XIRP2: variants seen among roughly 807,000 people sequenced by gnomAD.
XIRP2 encodes xin actin-binding repeat-containing protein 2.
In XIRP2, 236 loss-of-function variants were observed where a neutral mutation model predicts 277.0. That is an observed-to-expected ratio of 0.85 (90% CI 0.77 to 0.95). XIRP2 has a LOEUF of 0.95. Ranked by LOEUF, XIRP2 falls within the 40% of genes least tolerant of loss-of-function variation. The probability of loss-of-function intolerance (pLI) is 0.00; values close to 1 mark genes in which losing one functional copy is unlikely to be tolerated. For missense variants in XIRP2, 4,640 were observed against 4,157.5 expected, an observed-to-expected ratio of 1.12 and a Z score of -3.19; for synonymous variants, 1,490 against 1,416.5, an observed-to-expected ratio of 1.05 and a Z score of -1.17.
chr2:167,086,848 AT>A (rs1574241225), intron 2 of XIRP2, among the ~76,000 whole-genome samples: 2 of 150,638 alleles, frequency 1.3e-5, no homozygotes, highest in East Asian at 2.0e-4. Context: ...ATTCTTCTAA[AT>A]TTTTTTCAAA....
intron 3 of XIRP2, among the ~76,000 whole-genome samples, chr2:167,174,001 C>A (rs1480385292): frequency 2.6e-5 from 4 of 152,158 alleles, no homozygotes; most frequent in Non-Finnish European, 5.9e-5. Context: ...TGATGTGCTG[C>A]TGGATTCGGT....
chr2:167,105,161 A>C (rs571579270), intron 2 of XIRP2, among the ~76,000 whole-genome samples: 1 of 152,080 alleles, frequency 6.6e-6, no homozygotes, highest in East Asian at 1.9e-4. Flanking sequence ...GATCCCATGC[A>C]CCCTTTATTC....
rs188471588 is a variant in XIRP2, at chr2:167,169,821, T to A, written c.562+33759T>A. On this transcript the variant is annotated intron_variant, in intron 3 of 10. Transcript: ENST00000409195. ...ATGTTTGTGGTTTTATTAGTTATAG[T>A]AATTTTTGGACATTGTTGAATATAT... 2.6e-5 allele frequency among the ~76,000 whole-genome samples: 4 copies of A among 152,306 alleles called. 1 individual carries two copies. Among genetic ancestry groups the A allele is most frequent in the African/African-American group, 9.6e-5 (4 of 41,586 alleles).
intron 5 of XIRP2, among the ~76,000 whole-genome samples, chr2:167,233,060 A>T (rs1694805587): frequency 6.6e-6 from 1 of 151,974 alleles, no homozygotes; most frequent in Non-Finnish European, 1.5e-5. Flanking sequence ...TTGGAACCCC[A>T]GGAAGTTGTG....
chr2:167,218,266 A>G lies in XIRP2; in HGVS notation c.824A>G (p.Gln275Arg). ...EITSSRNTFA[Q>R]YQYQHQNRSE... Reference sequence around the variant, plus strand: ...ACTTCTTCCCGTAATACCTTTGCTCAATACCAATATCAACATCAGAACAGA... The same window carrying G: ...ACTTCTTCCCGTAATACCTTTGCTCGATACCAATATCAACATCAGAACAGA... The change falls in exon 5 of 11, where the codon CAA becomes CGA. Residue 275 changes from glutamine to arginine, a missense_variant. Coordinates refer to ENST00000409195, the MANE Select transcript of XIRP2 (RefSeq NM_152381.6). 1.9e-6 allele frequency: 3 copies of G among 1,603,452 alleles called. No individual in the cohort carries two copies. In the African/African-American group the frequency reaches 4.0e-5, roughly 21 times the overall value.
chr2:167,060,228 C>G (rs1052531753), intron 2 of XIRP2, among the ~76,000 whole-genome samples: 2 of 151,974 alleles, frequency 1.3e-5, no homozygotes, highest in Non-Finnish European at 2.9e-5. Flanking sequence ...TTATGTAACC[C>G]TTTATGTATG....
Position 166,935,575 on chromosome 2 carries a change from A to G in XIRP2, c.408+31685A>G, listed in dbSNP as rs541354478. On this transcript the variant is annotated intron_variant, in intron 2 of 10. Transcript: ENST00000409195. ...TTATTGCTACCCCCCTCCCCACTCC[A>G]TGATAGGCCCTGGTGTGTGATGTTC... is the stretch of plus-strand genomic sequence containing the variant. 3.9e-5 allele frequency among the ~76,000 whole-genome samples: 6 copies of G among 152,176 alleles called. No individual in the cohort carries two copies. In the South Asian group the frequency reaches 8.3e-4, roughly 21 times the overall value.
chr2:167,160,072 CA>C (rs1183728717), intron 3 of XIRP2, among the ~76,000 whole-genome samples: 7 of 150,890 alleles, frequency 4.6e-5, no homozygotes, highest in South Asian at 2.1e-4. Context: ...TATATATAGG[CA>C]AAAAAAATAA....
At chr2:167,175,014 A>G (rs76166131) in intron 3 of XIRP2, among the ~76,000 whole-genome samples, 4,868 of 152,184 alleles carry the variant, frequency 0.032, 250 homozygotes, top group African/African-American at 0.11. Context: ...TTATGTGGTC[A>G]ATTTTAGAAT....
chr2:167,095,975 G>T lies in XIRP2; in HGVS notation c.409-39934G>T, dbSNP rs551131993. Among the ~76,000 whole-genome samples, 5 of 142,874 alleles carry T rather than the reference G, an allele frequency of 3.5e-5. 1 individual carries two copies. The highest frequency in any genetic ancestry group is 1.3e-4 in the African/African-American group (5 of 39,062). The allele number at this position is 142,874 out of a possible 152,430, so 93.7% of individuals were successfully genotyped here. A position where few individuals can be genotyped will look rare whatever the true frequency, so the allele number is the denominator to read the frequency against. On this transcript the variant is annotated intron_variant, in intron 2 of 10. Coordinates refer to ENST00000409195, the MANE Select transcript of XIRP2 (RefSeq NM_152381.6). The stretch of plus-strand genomic sequence containing the variant: ...TGCAAGCTGTGCCTCCCAGGTTCAT[G>T]CCATTCTTCTGCCTCTGCCTCCCAA...
At position 167,014,151 on chromosome 2, in the gene XIRP2, A is replaced by G. The variant is rs147896826; in HGVS notation, c.408+110261A>G. Among the ~76,000 whole-genome samples, 495 of 151,762 alleles carry G rather than the reference A, an allele frequency of 3.3e-3. 3 individuals are homozygous for G. Among genetic ancestry groups the G allele is most frequent in the African/African-American group, 0.011 (445 of 41,482 alleles). On this transcript the variant is annotated intron_variant, in intron 2 of 10. Coordinates refer to ENST00000409195, the MANE Select transcript of XIRP2 (RefSeq NM_152381.6). ...GGTTTACCATTTCTTGTTCACTGCT[A>G]GTCCAGTCAGACTTCCCATCTAAGG... is the stretch of plus-strand genomic sequence containing the variant.
chr2:166,963,421 C>G (rs1686348294), intron 2 of XIRP2, among the ~76,000 whole-genome samples: 1 of 151,644 alleles, frequency 6.6e-6, no homozygotes, highest in Non-Finnish European at 1.5e-5. Flanking sequence ...TGGACTAAAA[C>G]AAGTAAATAA....
intron 3 of XIRP2, among the ~76,000 whole-genome samples, chr2:167,201,256 A>AAGAG (rs1326695017): frequency 9.9e-6 from 1 of 101,188 alleles, no homozygotes; most frequent in Admixed American, 1.0e-4. Context: ...GAAAGAAAGA[A>AAGAG]AGAAAGAGAG....
At chr2:166,915,078 A>C (rs1010877158) in intron 2 of XIRP2, among the ~76,000 whole-genome samples, 1 of 151,920 alleles carries the variant, frequency 6.6e-6, no homozygotes, top group East Asian at 1.9e-4. Flanking sequence ...CAGGTGGATC[A>C]TGAGGTCAGG....
rs371559312 is a variant in XIRP2, at chr2:167,248,158, A to C, written c.6766A>C (p.Lys2256Gln). The change falls in exon 9 of 11, where the codon AAA becomes CAA. Residue 2256 changes from lysine to glutamine, a missense_variant. Physicochemically the swap from Lys to Gln is moderately conservative, Grantham distance 53 (BLOSUM62 1). Coordinates refer to ENST00000409195, the MANE Select transcript of XIRP2 (RefSeq NM_152381.6). ...VHLKSQDFLM[K>Q]TNTSTGLKMA... is the part of the protein sequence containing the mutation. ...CTTGAAAAGCCAGGACTTTCTAATGAAAACAAATACTTCCACAGGCTTAAA... is the reference window on the plus strand; with the variant it reads ...CTTGAAAAGCCAGGACTTTCTAATGCAAACAAATACTTCCACAGGCTTAAA... 3 of 1,613,622 alleles carry C rather than the reference A, an allele frequency of 1.9e-6. No homozygotes were observed. The African/African-American group carries it at 4.0e-5, about 22-fold the overall frequency.
intron 3 of XIRP2, among the ~76,000 whole-genome samples, chr2:167,199,252 A>C (rs1049750357): frequency 1.3e-5 from 2 of 152,216 alleles, no homozygotes; most frequent in African/African-American, 4.8e-5. Context: ...TTTAGCACAA[A>C]AATGATTTAA....
rs1310959050 is a variant in XIRP2 at position 167,251,882 on chromosome 2, C to T, written c.10490C>T (p.Ala3497Val). ...AGAGTTTTTAAAGGCCTGGGATATG[C>T]AACCGCAGATGCTTCTGCAACTGAG... ...SGRVFKGLGY[A>V]TADASATEMR... is the part of the protein sequence containing the mutation. The change falls in exon 9 of 11, where the codon GCA becomes GTA. Residue 3497 changes from alanine (A) to valine (V), a missense_variant. Physicochemically the swap from Ala to Val is moderately conservative, Grantham distance 64. Transcript: ENST00000409195. 1 of 1,605,482 alleles carries T rather than the reference C, an allele frequency of 6.2e-7. No homozygotes were observed.
chr2:167,063,036 A>G (rs1689210657), intron 2 of XIRP2, among the ~76,000 whole-genome samples: 1 of 151,982 alleles, frequency 6.6e-6, no homozygotes, highest in Admixed American at 6.6e-5. Context: ...CACTTCTAAC[A>G]TTGATTTGAG....
chr2:166,890,247 C>A (rs1341683415), intron 1 of XIRP2, among the ~76,000 whole-genome samples: 1 of 152,094 alleles, frequency 6.6e-6, no homozygotes, highest in Non-Finnish European at 1.5e-5. Flanking sequence ...CCCACCTCAG[C>A]CTCCCAAACT....
Sources: allele counts gnomAD v4.1 joint callset (sites outside exome capture counted in the v4.1 genomes callset), GRCh38; gene constraint gnomAD v4.1.1; transcripts MANE v1.5; gene names NCBI Gene and HGNC (gene_info 2026-07-23, HGNC 2026-07-21).